Variants in KNTC1 observed in about 807,000 individuals in gnomAD.
The protein encoded by KNTC1 is kinetochore-associated protein 1.
In KNTC1, 253 loss-of-function variants were observed where a neutral mutation model predicts 314.4. That is an observed-to-expected ratio of 0.80 (90% confidence interval 0.73 to 0.89). KNTC1 has a LOEUF of 0.89. Ranked by LOEUF, KNTC1 falls within the 40% of genes least tolerant of loss-of-function variation. KNTC1 has a pLI of 0.00. For missense variants in KNTC1, 2,475 were observed against 2,572.9 expected (o/e 0.96, Z 0.82); for synonymous variants, 901 against 901.4 (o/e 1.00, Z 0.01).
intron 21 of KNTC1, 31 bp downstream of exon 21, chr12:122,568,403 C>T: frequency 2.6e-6 from 3 of 1,170,920 alleles, no homozygotes; most frequent in Non-Finnish European, 1.3e-6. Flanking sequence ...TCCTTAACAG[C>T]TTTATAGCTC....
chr12:122,547,704 C>A (rs1962893228), intron 11 of KNTC1, among the ~76,000 whole-genome samples, 174 bp downstream of exon 11: 1 of 152,190 alleles, frequency 6.6e-6, no homozygotes, highest in Non-Finnish European at 1.5e-5. Context: ...ATATGAACTT[C>A]CAAGTCATTT....
intron 16 of KNTC1, among the ~76,000 whole-genome samples, chr12:122,554,388 A>T (rs1963434527): frequency 6.6e-6 from 1 of 151,974 alleles, no homozygotes; most frequent in African/African-American, 2.4e-5. Context: ...AGCAAGAATA[A>T]TTCTGTGTAT....
chr12:122,574,648 AGGGTTTCCCAGGCT>A lies in KNTC1; in HGVS notation c.2382+271_2382+284del, dbSNP rs1297024677. ...TAATTTTTGTATTTTTTGTAGAGACAGGGTTTCCCAGGCTGGTCTTGAACACCTGGGCTCAAGTG... is the reference window on the plus strand; with the variant it reads ...TAATTTTTGTATTTTTTGTAGAGACAGGTCTTGAACACCTGGGCTCAAGTG... On this transcript the variant is annotated intron_variant, in intron 27 of 63. Transcript: ENST00000333479. Among the ~76,000 whole-genome samples the A allele has an allele frequency of 1.2e-4, 19 of 152,124 alleles. 1 individual carries two copies. The highest frequency in any genetic ancestry group is 3.4e-4 in the African/African-American group (14 of 41,420).
At chr12:122,546,993 C>T (rs543942598) in intron 10 of KNTC1, among the ~76,000 whole-genome samples, 26 of 150,680 alleles carry the variant, frequency 1.7e-4, no homozygotes, top group Admixed American at 5.3e-4. Context: ...TCACCACGCC[C>T]GGCTAATTTT....
chr12:122,537,758 C>T (rs1159654406), intron 3 of KNTC1, among the ~76,000 whole-genome samples: 2 of 151,956 alleles, frequency 1.3e-5, no homozygotes, highest in African/African-American at 2.4e-5. Flanking sequence ...AGCTCTGTGA[C>T]GGTGGTAATC....
intron 27 of KNTC1, among the ~76,000 whole-genome samples, chr12:122,574,803 C>T (rs1462601443): frequency 6.6e-6 from 1 of 152,182 alleles, no homozygotes; most frequent in Non-Finnish European, 1.5e-5. Flanking sequence ...GTATGCATAT[C>T]TTTGCAGGCT....
chr12:122,621,811 GAT>G, intron 60 of KNTC1, 68 bp from the exon 61 acceptor site: 1 of 997,464 alleles, frequency 1.0e-6, no homozygotes, highest in South Asian at 1.4e-5. Flanking sequence ...CAAAATACCT[GAT>G]CAACGGCTCT....
chr12:122,575,461 C>A, intron 27 of KNTC1, 82 bp from the exon 28 acceptor site: 1 of 861,470 alleles, frequency 1.2e-6, no homozygotes, highest in South Asian at 1.4e-5. Flanking sequence ...TGATGTAAGA[C>A]CTGCTGATTA....
intron 18 of KNTC1, 27 bp downstream of exon 18, chr12:122,557,716 T>C: frequency 6.5e-7 from 1 of 1,542,078 alleles, no homozygotes; most frequent in Non-Finnish European, 8.9e-7. Flanking sequence ...GTATTTTGTT[T>C]TTTTGGGGCA....
intron 2 of KNTC1, among the ~76,000 whole-genome samples, chr12:122,532,191 G>C (rs11058602): frequency 2.8e-5 from 4 of 145,146 alleles, no homozygotes; most frequent in Admixed American, 7.0e-5. Context: ...CTGCCACCAC[G>C]CCTGGCTAAT....
At position 122,576,905 on chromosome 12, in the gene KNTC1, G is replaced by A. The variant is rs202085825; in HGVS notation, c.2597G>A (p.Arg866Lys). 66 of 1,584,416 alleles carry A rather than the reference G, an allele frequency of 4.2e-5. No homozygotes were observed. In the African/African-American group the frequency reaches 6.6e-4, roughly 16 times the overall value. Reference sequence around the variant, plus strand: ...TATTGTCTTTTGCAGAGAGTGGTTAGATACATTCTCAAACAAGATGTCCCA... The same window carrying A: ...TATTGTCTTTTGCAGAGAGTGGTTAAATACATTCTCAAACAAGATGTCCCA... ...LLNKEIMRVVRYILKQDVPSS... is the reference protein window; with the variant it reads ...LLNKEIMRVVKYILKQDVPSS... The change falls in exon 30 of 64, where the codon AGA becomes AAA. Residue 866 changes from arginine to lysine, a missense_variant. Arg to Lys is a conservative substitution (Grantham distance 26, BLOSUM62 2). Coordinates refer to ENST00000333479, the MANE Select transcript of KNTC1 (RefSeq NM_014708.6).
intron 2 of KNTC1, among the ~76,000 whole-genome samples, chr12:122,530,506 A>C (rs1188383785): frequency 6.7e-6 from 1 of 149,966 alleles, no homozygotes; most frequent in South Asian, 2.1e-4. Flanking sequence ...GCTGGAGTGC[A>C]GTGGTGTGAT....
intron 42 of KNTC1, among the ~76,000 whole-genome samples, chr12:122,592,142 C>T (rs530162807): frequency 6.6e-6 from 1 of 152,310 alleles, no homozygotes; most frequent in Non-Finnish European, 1.5e-5. Flanking sequence ...CTGCCGGCCC[C>T]GGGCAGTGAG....
Position 122,582,881 on chromosome 12 carries a change from C to T in KNTC1, c.3159C>T (p.His1053=), listed in dbSNP as rs371487143. 9 of 1,612,522 alleles carry T rather than the reference C, an allele frequency of 5.6e-6. No individual in the cohort carries two copies. Among genetic ancestry groups the T allele is most frequent in the Non-Finnish European group, 7.6e-6 (9 of 1,179,294 alleles). The change falls in exon 34 of 64, where the codon CAC becomes CAT. Residue 1053 remains histidine (H), a synonymous_variant. Transcript: ENST00000333479. ...GCCCAAGCATGGAATCAAAGCTGCACAGACAGGCACTGGCCCTGCAGATGT... is the reference window on the plus strand; with the variant it reads ...GCCCAAGCATGGAATCAAAGCTGCATAGACAGGCACTGGCCCTGCAGATGT... The part of the protein sequence containing the change: ...VRSPSMESKL[H]RQALALQMSK...
At chr12:122,534,953 A>G (rs1224297814) in intron 3 of KNTC1, among the ~76,000 whole-genome samples, 169 bp downstream of exon 3, 1 of 152,238 alleles carries the variant, frequency 6.6e-6, no homozygotes, top group African/African-American at 2.4e-5. Flanking sequence ...GTTGGGCACT[A>G]GAGTCAAAGG....
intron 4 of KNTC1, among the ~76,000 whole-genome samples, chr12:122,538,871 T>G (rs1425699013): frequency 3.9e-5 from 6 of 152,230 alleles, no homozygotes; most frequent in Non-Finnish European, 2.9e-5. Flanking sequence ...TTTCATGTGT[T>G]GTATATCTCA....
intron 10 of KNTC1, 150 bp from the exon 11 acceptor site, chr12:122,547,265 C>T: frequency 1.9e-6 from 1 of 537,660 alleles, no homozygotes; most frequent in East Asian, 3.3e-5. Flanking sequence ...ATCCCAGCTA[C>T]TCAGGAATCT....
rs1962902076 is a variant in KNTC1, at chr12:122,547,812, C to CT, written c.933-101dup. On this transcript the variant is annotated intron_variant, in intron 11 of 63. Transcript: ENST00000333479. Reference sequence around the variant, plus strand: ...GGAAGAGTGTTACTTTAGTTTATATCTTGTAATTGGCAAAGCCTACTTTTT... The same window carrying CT: ...GGAAGAGTGTTACTTTAGTTTATATCTTTGTAATTGGCAAAGCCTACTTTTT... The CT allele has an allele frequency of 6.0e-6, 4 of 668,780 alleles. No individual in the cohort carries two copies. In the South Asian group the frequency reaches 6.5e-5, roughly 11 times the overall value. The allele number at this position is 668,780 out of a possible 1,614,324, so 41.4% of individuals were successfully genotyped here.
At chr12:122,622,378 G>T (rs1419584489) in intron 61 of KNTC1, 84 bp from the exon 62 acceptor site, 9 of 1,223,516 alleles carry the variant, frequency 7.4e-6, no homozygotes, top group Admixed American at 2.6e-5. Context: ...TTGAATAAAG[G>T]CTTGATACCT....
Sources: gnomAD v4.1 joint callset for allele counts (sites outside exome capture counted in the v4.1 genomes callset) on GRCh38, gnomAD v4.1.1 for gene constraint, MANE v1.5 for transcripts, NCBI Gene and HGNC (gene_info 2026-07-23, HGNC 2026-07-21) for gene names.